CRMP1: variants seen among roughly 807,000 people sequenced by gnomAD.
The protein encoded by CRMP1 is dihydropyrimidinase-related protein 1.
A neutral mutation model predicts 68.3 loss-of-function variants in CRMP1; 19 were observed. The ratio of observed to expected loss-of-function variants is 0.28; its 90% CI spans 0.19 to 0.41. The LOEUF is 0.41. Ranked by LOEUF, CRMP1 falls within the 10% of genes least tolerant of loss-of-function variation. CRMP1 has a pLI of 1.00. For missense variants in CRMP1, 791 were observed against 967.4 expected, an observed-to-expected ratio of 0.82 and a Z score of 2.42; for synonymous variants, 439 against 399.6, an observed-to-expected ratio of 1.10 and a Z score of -1.18.
At position 5,883,247 on chromosome 4, in the gene CRMP1, C is replaced by CCATCTTTT. The variant is rs774046282; in HGVS notation, c.381+9341_381+9342insAAAAGATG. Among the ~76,000 whole-genome samples the CCATCTTTT allele has an allele frequency of 6.8e-6, 1 of 147,992 alleles. No individual in the cohort carries two copies. The highest frequency in any genetic ancestry group is 1.5e-5 in the Non-Finnish European group (1 of 66,236). On this transcript the variant is annotated intron_variant, in intron 1 of 13. Transcript: ENST00000324989. This position sits in a 1 kb window ranked among gnomAD's most constrained non-coding sequence, Gnocchi z 4.5. ...GCCTGCCTGCTTTCCTTCCTTCCTTCCTTCCTTCCTTCCTCCCTCCCTCCC... is the reference window on the plus strand; with the variant it reads ...GCCTGCCTGCTTTCCTTCCTTCCTTCCATCTTTTCTTCCTTCCTTCCTCCCTCCCTCCC...
intron 1 of CRMP1, chr4:5,887,314 A>C: frequency 1.0e-6 from 1 of 973,242 alleles, no homozygotes; most frequent in South Asian, 4.8e-5. Context: ...CCAGTAGTCA[A>C]ACCTCTGGAG....
rs1243459584 is a variant in CRMP1 at position 5,841,196 on chromosome 4, C to T, written c.1153+112G>A. 6.5e-6 allele frequency: 10 copies of T among 1,548,012 alleles called. No homozygotes were observed. The highest frequency in any genetic ancestry group is 2.7e-5 in the African/African-American group (2 of 73,684). On this transcript the variant is annotated intron_variant, in intron 8 of 13. Coordinates refer to ENST00000324989, the MANE Select transcript of CRMP1 (RefSeq NM_001014809.3). The surrounding 1 kb of genome is among the most constrained non-coding windows in gnomAD (Gnocchi z 6.9). Reference sequence around the variant, plus strand: ...TGTGTCAGGAGCATCCCCGCTCCACCCCTCCCTCCTCCGGCTGCCTGTCTG... The same window carrying T: ...TGTGTCAGGAGCATCCCCGCTCCACTCCTCCCTCCTCCGGCTGCCTGTCTG...
At chr4:5,874,126 T>C (rs892957056) in intron 1 of CRMP1, among the ~76,000 whole-genome samples, 1 of 152,156 alleles carries the variant, frequency 6.6e-6, no homozygotes, top group African/African-American at 2.4e-5. Context: ...CCCATAAATT[T>C]AGTGCTGGGA....
In CRMP1 at chr4:5,866,369, G is replaced by A. The variant is rs540817964; in HGVS notation, c.470+299C>T. Among the ~76,000 whole-genome samples, 2 of 152,276 alleles carry A rather than the reference G, an allele frequency of 1.3e-5. No homozygotes were observed. Among genetic ancestry groups the A allele is most frequent in the Admixed American group, 1.3e-4 (2 of 15,304 alleles). The stretch of plus-strand genomic sequence containing the variant: ...AGGTACCCAGACTCATTGGCCTGCC[G>A]CCTCCAAAACCACAAAACAGGAAAC... On this transcript the variant is annotated intron_variant, in intron 2 of 13. Transcript: ENST00000324989. The surrounding 1 kb of genome is among the most constrained non-coding windows in gnomAD (Gnocchi z 5.9).
In CRMP1 at chr4:5,890,757, G is replaced by A. The variant is rs1715905303; in HGVS notation, c.381+1832C>T. On this transcript the variant is annotated intron_variant, in intron 1 of 13. Transcript: ENST00000324989. The surrounding 1 kb of genome is among the most constrained non-coding windows in gnomAD (Gnocchi z 5.5). ...CCCCAAGGGTCAGGGCGCAGCTGCG[G>A]GGCTGGCCCAGGCTGCGCCCTGGGG... 6.6e-6 allele frequency among the ~76,000 whole-genome samples: 1 copy of A among 152,188 alleles called. No individual in the cohort carries two copies.
At chr4:5,863,114 C>CTTTT in intron 2 of CRMP1, among the ~76,000 whole-genome samples, 1 of 98,078 alleles carries the variant, frequency 1.0e-5, no homozygotes. Context: ...TTCTTTTTTT[C>CTTTT]CTTTTTTTTT....
At chr4:5,832,177 G>A (rs1162376300) in intron 11 of CRMP1, among the ~76,000 whole-genome samples, 1 of 152,246 alleles carries the variant, frequency 6.6e-6, no homozygotes, top group Non-Finnish European at 1.5e-5. Context: ...GGGGGTGAGA[G>A]AGAGGGACTG....
rs1391557942 is a variant in CRMP1, at chr4:5,860,841, G to C, written c.655+185C>G. ...CGTATTGTTTATTAAGCCATCTTCT[G>C]TGGCCCCAGTGGCACACACGGTATG... is the stretch of plus-strand genomic sequence containing the variant. On this transcript the variant is annotated intron_variant, in intron 3 of 13. Transcript: ENST00000324989. The surrounding 1 kb of genome is among the most constrained non-coding windows in gnomAD (Gnocchi z 4.2). Among the ~76,000 whole-genome samples the C allele has an allele frequency of 6.6e-6, 1 of 152,146 alleles. No homozygotes were observed. Among genetic ancestry groups the C allele is most frequent in the Non-Finnish European group, 1.5e-5 (1 of 68,022 alleles).
At position 5,821,908 on chromosome 4, in the gene CRMP1, G is replaced by A. The variant is rs960998408; in HGVS notation, c.1970-57C>T. The A allele has an allele frequency of 2.3e-6, 3 of 1,316,564 alleles. No individual in the cohort carries two copies. In the African/African-American group the frequency reaches 6.4e-5, roughly 28 times the overall value. The allele number at this position is 1,316,564 out of a possible 1,614,324, so 81.6% of individuals were successfully genotyped here. On this transcript the variant is annotated intron_variant, in intron 13 of 13. Coordinates refer to ENST00000324989, the MANE Select transcript of CRMP1 (RefSeq NM_001014809.3). The surrounding 1 kb of genome is among the most constrained non-coding windows in gnomAD (Gnocchi z 4.4). ...GATCTGTTAGCATCAGTTCCACGCT[G>A]CTCCTGGAGGCCATGTACTCTGCCA...
At chr4:5,856,959 AT>A (rs1358067616) in intron 3 of CRMP1, among the ~76,000 whole-genome samples, 1 of 149,628 alleles carries the variant, frequency 6.7e-6, no homozygotes, top group Admixed American at 6.6e-5. Context: ...CACCACCACC[AT>A]CCACTATCAT....
chr4:5,869,633 G>A lies in CRMP1; in HGVS notation c.382-2877C>T, dbSNP rs1470375314. 2.0e-5 allele frequency among the ~76,000 whole-genome samples: 3 copies of A among 147,586 alleles called. No homozygotes were observed. The South Asian group carries it at 6.5e-4, about 32-fold the overall frequency. ...CGGAACGCAGAGCTTGCAGTGAGCCGAGATAGCGCCACTGCACTCCAGCCT... is the reference window on the plus strand; with the variant it reads ...CGGAACGCAGAGCTTGCAGTGAGCCAAGATAGCGCCACTGCACTCCAGCCT... On this transcript the variant is annotated intron_variant, in intron 1 of 13. Transcript: ENST00000324989.
rs113911499 is a variant in CRMP1 at position 5,881,607 on chromosome 4, G to A, written c.381+10982C>T. ...TGCTCTCACGGCAAAGTCCTCCGGT[G>A]TTCCTCTTCCATGGCAAGAGCTGAC... On this transcript the variant is annotated intron_variant, in intron 1 of 13. Transcript: ENST00000324989. This position sits in a 1 kb window ranked among gnomAD's most constrained non-coding sequence, Gnocchi z 4.6. 7.3e-3 allele frequency among the ~76,000 whole-genome samples: 1,114 copies of A among 152,180 alleles called. 18 individuals carry two copies. The highest frequency in any genetic ancestry group is 0.025 in the African/African-American group (1,027 of 41,504).
intron 10 of CRMP1, among the ~76,000 whole-genome samples, chr4:5,836,358 C>T (rs145932213): frequency 6.6e-6 from 1 of 152,156 alleles, no homozygotes; most frequent in Admixed American, 6.5e-5. Context: ...GATTAAAAAC[C>T]TTTGGTTTCA....
rs1719475395 is a variant in CRMP1, at chr4:5,825,781, C to T, written c.1804-122G>A. 8.9e-6 allele frequency: 8 copies of T among 896,010 alleles called. No individual in the cohort carries two copies. The highest frequency in any genetic ancestry group is 1.7e-6 in the Non-Finnish European group (1 of 583,050). The allele number at this position is 896,010 out of a possible 1,614,324, so 55.5% of individuals were successfully genotyped here. The stretch of plus-strand genomic sequence containing the variant: ...AGGTCACTTCAAATGTGCATGCACA[C>T]ACACACACAACACGCACACACGACA... On this transcript the variant is annotated intron_variant, in intron 12 of 13. Coordinates refer to ENST00000324989, the MANE Select transcript of CRMP1 (RefSeq NM_001014809.3). This position sits in a 1 kb window ranked among gnomAD's most constrained non-coding sequence, Gnocchi z 4.4.
At chr4:5,835,366 C>G (rs1197665266) in intron 11 of CRMP1, among the ~76,000 whole-genome samples, 1 of 152,210 alleles carries the variant, frequency 6.6e-6, no homozygotes, top group Non-Finnish European at 1.5e-5. Context: ...TCTGTGCACG[C>G]ATCTTTGGTA....
intron 1 of CRMP1, chr4:5,887,791 A>C: frequency 1.0e-6 from 1 of 988,008 alleles, no homozygotes; most frequent in Non-Finnish European, 1.2e-6. Context: ...CCAGCGGGGG[A>C]GGTACCGGGC....
At position 5,865,075 on chromosome 4, in the gene CRMP1, C is replaced by T. The variant is rs1713888977; in HGVS notation, c.470+1593G>A. On this transcript the variant is annotated intron_variant, in intron 2 of 13. Coordinates refer to ENST00000324989, the MANE Select transcript of CRMP1 (RefSeq NM_001014809.3). The surrounding 1 kb of genome is among the most constrained non-coding windows in gnomAD (Gnocchi z 4.1). ...CACAGCCCCTTTCCCCCAGCCTCCT[C>T]CTCCTCCTCCATCATCATCTCCAAA... 6.6e-6 allele frequency among the ~76,000 whole-genome samples: 1 copy of T among 151,972 alleles called. No homozygotes were observed. Among genetic ancestry groups the T allele is most frequent in the South Asian group, 2.1e-4 (1 of 4,812 alleles).
At position 5,842,225 on chromosome 4, in the gene CRMP1, G is replaced by A. The variant is rs962322473; in HGVS notation, c.1033-797C>T. On this transcript the variant is annotated intron_variant, in intron 7 of 13. Coordinates refer to ENST00000324989, the MANE Select transcript of CRMP1 (RefSeq NM_001014809.3). The surrounding 1 kb of genome is among the most constrained non-coding windows in gnomAD (Gnocchi z 4.5). ...TTCACTCCAGCCTGGGCGACAGAGCGAGACTCTGTCTCAAAAACAAACAAA... is the reference window on the plus strand; with the variant it reads ...TTCACTCCAGCCTGGGCGACAGAGCAAGACTCTGTCTCAAAAACAAACAAA... Among the ~76,000 whole-genome samples, 41 of 151,942 alleles carry A rather than the reference G, an allele frequency of 2.7e-4. No homozygotes were observed. The highest frequency in any genetic ancestry group is 8.7e-4 in the African/African-American group (36 of 41,388).
intron 1 of CRMP1, among the ~76,000 whole-genome samples, chr4:5,874,486 G>C (rs750544337): frequency 6.6e-6 from 1 of 152,142 alleles, no homozygotes; most frequent in Non-Finnish European, 1.5e-5. Context: ...CACAGTTCAT[G>C]TGCCCATCTC....
Sources: gnomAD v4.1 joint callset for allele counts (sites outside exome capture counted in the v4.1 genomes callset) on GRCh38, gnomAD v4.1.1 for gene constraint, Gnocchi (gnomAD v3.1) non-coding constraint, MANE v1.5 for transcripts, NCBI Gene and HGNC (gene_info 2026-07-23, HGNC 2026-07-21) for gene names.